Variants in NRG3 observed in about 807,000 individuals in gnomAD.
NRG3 encodes pro-neuregulin-3, membrane-bound isoform.
A neutral mutation model predicts 66.9 loss-of-function variants in NRG3; 31 were observed. That is an observed-to-expected ratio of 0.46 (90% CI 0.35 to 0.63). NRG3 has a LOEUF of 0.63. Among genes scored for constraint, NRG3 ranks in the 20% least tolerant of loss-of-function variants. The pLI is 0.00. For missense variants in NRG3, 910 were observed against 878.9 expected (o/e 1.04, Z -0.45); for synonymous variants, 393 against 359.4 (o/e 1.09, Z -1.06).
intron 2 of NRG3, among the ~76,000 whole-genome samples, chr10:82,700,075 C>T (rs1289502367): frequency 3.9e-5 from 6 of 152,136 alleles, no homozygotes; most frequent in East Asian, 3.8e-4. Context: ...TGGTATTTCA[C>T]GTGTGGTGGT....
At chr10:82,572,609 T>C (rs1366333207) in intron 2 of NRG3, among the ~76,000 whole-genome samples, 1 of 151,008 alleles carries the variant, frequency 6.6e-6, no homozygotes, top group Non-Finnish European at 1.5e-5. Context: ...TGTGTGTGTG[T>C]GCCTACATTT....
chr10:82,564,109 AT>A (rs781562280), intron 2 of NRG3, among the ~76,000 whole-genome samples: 11 of 152,274 alleles, frequency 7.2e-5, no homozygotes, highest in Middle Eastern at 3.4e-3. Flanking sequence ...TAGTTAACAG[AT>A]AAAAGTTTAG....
chr10:82,077,799 T>C (rs2065170496), intron 1 of NRG3, among the ~76,000 whole-genome samples: 2 of 152,264 alleles, frequency 1.3e-5, no homozygotes, highest in Admixed American at 1.3e-4. Flanking sequence ...TGAGACTATG[T>C]ATTTAGAATG....
chr10:82,283,092 T>A (rs2079214780), intron 1 of NRG3, among the ~76,000 whole-genome samples: 1 of 152,120 alleles, frequency 6.6e-6, no homozygotes, highest in South Asian at 2.1e-4. Flanking sequence ...TCCTGTCTTC[T>A]CGGTCTTAAT....
chr10:82,962,431 T>G (rs983292406), intron 6 of NRG3, among the ~76,000 whole-genome samples: 2 of 152,134 alleles, frequency 1.3e-5, no homozygotes, highest in Non-Finnish European at 2.9e-5. Context: ...TTGTATACCC[T>G]TCATACCTTT....
At chr10:82,282,412 T>C (rs995894558) in intron 1 of NRG3, among the ~76,000 whole-genome samples, 2 of 152,028 alleles carry the variant, frequency 1.3e-5, no homozygotes, top group African/African-American at 4.8e-5. Flanking sequence ...TTTATGCTAG[T>C]GTAGACCCAT....
chr10:81,877,835 C>T, intron 1 of NRG3: 1 of 1,460,752 alleles, frequency 6.8e-7, no homozygotes, highest in African/African-American at 1.4e-5. Context: ...ACAAATCTAG[C>T]TTGTGTTTTG....
chr10:82,428,634 C>A (rs1040854755), intron 2 of NRG3, among the ~76,000 whole-genome samples: 2 of 151,966 alleles, frequency 1.3e-5, no homozygotes, highest in Non-Finnish European at 2.9e-5. Flanking sequence ...TCCTAATATG[C>A]AATCTATCCT....
chr10:82,096,413 T>C (rs1014952140), intron 1 of NRG3, among the ~76,000 whole-genome samples: 1 of 151,806 alleles, frequency 6.6e-6, no homozygotes, highest in Non-Finnish European at 1.5e-5. Context: ...GAGGTAGAGG[T>C]TGCAGTGAGC....
At chr10:82,780,506 A>C (rs2060081362) in intron 3 of NRG3, among the ~76,000 whole-genome samples, 1 of 123,002 alleles carries the variant, frequency 8.1e-6, no homozygotes, top group South Asian at 2.5e-4. Context: ...TTGGTCAATC[A>C]AGTTGTGATT....
chr10:82,265,725 A>T (rs1487265401), intron 1 of NRG3, among the ~76,000 whole-genome samples: 1 of 152,206 alleles, frequency 6.6e-6, no homozygotes, highest in Non-Finnish European at 1.5e-5. Flanking sequence ...CTTATGTTAA[A>T]ATCAATGCCA....
chr10:82,585,866 A>G (rs946956763), intron 2 of NRG3, among the ~76,000 whole-genome samples: 1 of 152,186 alleles, frequency 6.6e-6, no homozygotes, highest in Non-Finnish European at 1.5e-5. Flanking sequence ...GCTTTTTATA[A>G]TAGGTATACT....
At chr10:81,989,148 A>G (rs892616139) in intron 1 of NRG3, among the ~76,000 whole-genome samples, 3 of 152,182 alleles carry the variant, frequency 2.0e-5, no homozygotes, top group African/African-American at 7.2e-5. Flanking sequence ...TTCTGGCTAT[A>G]GGAATAGGAT....
intron 2 of NRG3, among the ~76,000 whole-genome samples, chr10:82,659,653 A>G (rs1336716470): frequency 2.0e-5 from 3 of 152,162 alleles, no homozygotes; most frequent in Admixed American, 1.3e-4. Flanking sequence ...CTCCGTCTCC[A>G]GCAAAACAAA....
intron 1 of NRG3, among the ~76,000 whole-genome samples, chr10:82,152,977 TACAC>T (rs1034847997): frequency 5.9e-5 from 9 of 152,004 alleles, no homozygotes; most frequent in Admixed American, 1.3e-4. Flanking sequence ...GATACTTTGA[TACAC>T]ACACGCGCAC....
At chr10:82,181,987 T>G in intron 1 of NRG3, among the ~76,000 whole-genome samples, 1 of 151,982 alleles carries the variant, frequency 6.6e-6, no homozygotes, top group South Asian at 2.1e-4. Context: ...TGAATTGACC[T>G]TTTTATCATT....
intron 2 of NRG3, among the ~76,000 whole-genome samples, chr10:82,490,689 G>A (rs1451390837): frequency 6.6e-6 from 1 of 152,040 alleles, no homozygotes; most frequent in Non-Finnish European, 1.5e-5. Context: ...CTATTTGGCT[G>A]TCTAACAGAT....
chr10:82,617,083 A>G (rs1219668546), intron 2 of NRG3, among the ~76,000 whole-genome samples: 1 of 152,188 alleles, frequency 6.6e-6, no homozygotes, highest in Non-Finnish European at 1.5e-5. Context: ...CTTTGCCAAT[A>G]TAGTAATGCA....
chr10:82,603,146 A>G (rs116357766), intron 2 of NRG3, among the ~76,000 whole-genome samples: 4 of 152,242 alleles, frequency 2.6e-5, no homozygotes, highest in African/African-American at 9.6e-5. Flanking sequence ...TGTACTAGCT[A>G]TGGTAAGTGA....
Sources: gnomAD v4.1 joint callset for allele counts (sites outside exome capture counted in the v4.1 genomes callset) on GRCh38, gnomAD v4.1.1 for gene constraint, MANE v1.5 for transcripts, NCBI Gene and HGNC (gene_info 2026-07-23, HGNC 2026-07-21) for gene names.